Variants in RPH3A observed in about 807,000 individuals in gnomAD.
RPH3A encodes rabphilin 3A, also known as rabphilin-3A.
Under a neutral mutation model 102.2 loss-of-function variants are expected in RPH3A, and 48 were observed. That is an observed-to-expected ratio of 0.47 (90% CI 0.37 to 0.60). The LOEUF (loss-of-function observed/expected upper bound fraction) is 0.60, where lower values mean the gene tolerates loss of function less well. Among genes scored for constraint, RPH3A ranks in the 20% least tolerant of loss-of-function variants. RPH3A has a pLI of 0.00. For missense variants in RPH3A, 781 were observed against 910.1 expected (o/e 0.86, Z 1.83); for synonymous variants, 310 against 324.3 (o/e 0.96, Z 0.47).
At chr12:112,783,440 T>C (rs2041022619) in intron 1 of RPH3A, among the ~76,000 whole-genome samples, 1 of 152,156 alleles carries the variant, frequency 6.6e-6, no homozygotes, top group Non-Finnish European at 1.5e-5. Context: ...TTTATAACTC[T>C]TGCCACACTT....
intron 1 of RPH3A, among the ~76,000 whole-genome samples, chr12:112,709,600 A>G (rs1179161308): frequency 6.6e-6 from 1 of 151,812 alleles, no homozygotes; most frequent in Non-Finnish European, 1.5e-5. Context: ...CATGCTATGC[A>G]TTGTTTATTT....
intron 1 of RPH3A, among the ~76,000 whole-genome samples, chr12:112,592,721 G>T (rs1376212742): frequency 6.6e-6 from 1 of 152,234 alleles, no homozygotes; most frequent in African/African-American, 2.4e-5. Flanking sequence ...TCCTGTTTGT[G>T]TGCTGACTTG....
At chr12:112,606,556 T>C (rs955947926) in intron 1 of RPH3A, among the ~76,000 whole-genome samples, 2 of 152,050 alleles carry the variant, frequency 1.3e-5, no homozygotes, top group African/African-American at 4.8e-5. Context: ...AATTTTTGGA[T>C]TTTTAGTGGA....
At chr12:112,800,518 G>A (rs1257468871) in intron 2 of RPH3A, among the ~76,000 whole-genome samples, 3 of 152,152 alleles carry the variant, frequency 2.0e-5, no homozygotes, top group Non-Finnish European at 4.4e-5. Context: ...TTATGCTAGA[G>A]TGATGTGACC....
At chr12:112,586,024 A>T (rs1219127347) in intron 1 of RPH3A, among the ~76,000 whole-genome samples, 1 of 152,038 alleles carries the variant, frequency 6.6e-6, no homozygotes, top group Non-Finnish European at 1.5e-5. Context: ...TGGTAGTCTG[A>T]TCCATATGAT....
In RPH3A at chr12:112,866,617, G is replaced by A. The variant is rs186075271; in HGVS notation, c.361-140G>A. 6.2e-6 allele frequency: 4 copies of A among 640,926 alleles called. No individual in the cohort carries two copies. In the East Asian group the frequency reaches 1.1e-4, roughly 18 times the overall value. The allele number at this position is 640,926 out of a possible 1,614,324, so 39.7% of individuals were successfully genotyped here. A position where few individuals can be genotyped will look rare whatever the true frequency, so the allele number is the denominator to read the frequency against. On this transcript the variant is annotated intron_variant, in intron 6 of 21. Transcript: ENST00000389385. The stretch of plus-strand genomic sequence containing the variant: ...TCAAATTGGAGTTTTATTCTAACTG[G>A]CCTTGCTCATAGAAGGAAGTGGGAG...
intron 1 of RPH3A, among the ~76,000 whole-genome samples, chr12:112,644,419 G>T (rs1048200573): frequency 9.2e-5 from 14 of 152,174 alleles, no homozygotes; most frequent in African/African-American, 3.1e-4. Flanking sequence ...CCTGAGGGGA[G>T]TTTGTCCTTC....
intron 13 of RPH3A, among the ~76,000 whole-genome samples, chr12:112,877,443 C>CAT (rs2042826533): frequency 6.6e-6 from 1 of 151,898 alleles, no homozygotes; most frequent in African/African-American, 2.4e-5. Flanking sequence ...CACACACACA[C>CAT]ACACACACAC....
At chr12:112,852,869 C>T (rs575652801) in intron 5 of RPH3A, among the ~76,000 whole-genome samples, 10 of 152,362 alleles carry the variant, frequency 6.6e-5, no homozygotes, top group African/African-American at 2.4e-4. Flanking sequence ...ATATTTCTCT[C>T]TGTCCAGAGC....
At chr12:112,734,486 C>T (rs2040654883) in intron 1 of RPH3A, among the ~76,000 whole-genome samples, 2 of 152,152 alleles carry the variant, frequency 1.3e-5, no homozygotes, top group African/African-American at 4.8e-5. Context: ...GGTCCTAATC[C>T]AGACCCCAAG....
chr12:112,725,488 C>T (rs930857095), intron 1 of RPH3A, among the ~76,000 whole-genome samples: 2 of 152,146 alleles, frequency 1.3e-5, no homozygotes, highest in African/African-American at 4.8e-5. Context: ...CAGTGTGAAT[C>T]GTGGTAGACA....
At chr12:112,631,525 T>A (rs1016045375) in intron 1 of RPH3A, among the ~76,000 whole-genome samples, 6 of 152,110 alleles carry the variant, frequency 3.9e-5, no homozygotes, top group Admixed American at 2.6e-4. Flanking sequence ...ATTAAAAATT[T>A]TTTTTTTGAG....
chr12:112,669,065 G>A (rs1377375077), intron 1 of RPH3A, among the ~76,000 whole-genome samples: 5 of 152,142 alleles, frequency 3.3e-5, no homozygotes, highest in Non-Finnish European at 7.3e-5. Context: ...ATACATCAAT[G>A]ATAACCAGAG....
intron 1 of RPH3A, among the ~76,000 whole-genome samples, chr12:112,735,623 T>C (rs1237838396): frequency 6.6e-6 from 1 of 152,138 alleles, no homozygotes; most frequent in African/African-American, 2.4e-5. Flanking sequence ...GAGCCTGGGA[T>C]GGAGAATGAC....
intron 4 of RPH3A, chr12:112,841,921 T>C (rs1241823477): frequency 4.4e-6 from 2 of 456,048 alleles, no homozygotes; most frequent in Non-Finnish European, 8.8e-6. Context: ...TCTGTCTCTC[T>C]GTCTCTCTCT....
chr12:112,821,198 C>G (rs1209788298), intron 2 of RPH3A, among the ~76,000 whole-genome samples: 1 of 152,184 alleles, frequency 6.6e-6, no homozygotes, highest in Non-Finnish European at 1.5e-5. Context: ...GTAGACAAAG[C>G]AGGAGGTCGC....
At chr12:112,729,653 G>C (rs1193222148) in intron 1 of RPH3A, among the ~76,000 whole-genome samples, 2 of 152,196 alleles carry the variant, frequency 1.3e-5, no homozygotes, top group African/African-American at 4.8e-5. Flanking sequence ...GTGGAGGAAG[G>C]TGAACTGCTA....
At chr12:112,621,516 G>A (rs1427126106) in intron 1 of RPH3A, among the ~76,000 whole-genome samples, 3 of 146,714 alleles carry the variant, frequency 2.0e-5, no homozygotes, top group African/African-American at 5.2e-5. Flanking sequence ...AAAAAACGGC[G>A]CACCACGAGA....
At chr12:112,621,133 G>A (rs913167291) in intron 1 of RPH3A, among the ~76,000 whole-genome samples, 2 of 151,756 alleles carry the variant, frequency 1.3e-5, no homozygotes, top group East Asian at 1.9e-4. Context: ...ATGAGCCACC[G>A]TGCCTGGCCA....
Sources: gnomAD v4.1 joint callset for allele counts (sites outside exome capture counted in the v4.1 genomes callset) on GRCh38, gnomAD v4.1.1 for gene constraint, MANE v1.5 for transcripts, NCBI Gene and HGNC (gene_info 2026-07-23, HGNC 2026-07-21) for gene names.